The following NKAIN3 variants were observed in gnomAD, a reference collection of about 807,000 sequenced individuals.
The protein encoded by NKAIN3 is sodium/potassium transporting ATPase interacting 3, also known as sodium/potassium-transporting ATPase subunit beta-1-interacting protein 3.
Under a neutral mutation model 30.2 loss-of-function variants are expected in NKAIN3, and 25 were observed. The observed-to-expected ratio is 0.83, with a 90% CI of 0.60 to 1.16. NKAIN3 has a LOEUF of 1.16. Among genes scored for constraint, NKAIN3 ranks in the 50% most tolerant of loss-of-function variants. The probability of loss-of-function intolerance (pLI) is 0.00; values close to 1 mark genes in which losing one functional copy is unlikely to be tolerated. For synonymous variants in NKAIN3, 91 were observed against 89.6 expected (o/e 1.02, Z -0.09); for missense variants, 225 against 254.1 (o/e 0.89, Z 0.78).
At chr8:62,306,006 T>TTCA (rs1814225399) in intron 1 of NKAIN3, among the ~76,000 whole-genome samples, 1 of 150,462 alleles carries the variant, frequency 6.6e-6, no homozygotes, top group Non-Finnish European at 1.5e-5. Context: ...CTGCTTTCAG[T>TTCA]GTATTCCATT....
intron 6 of NKAIN3, 128 bp downstream of exon 6, chr8:62,954,100 C>T (rs1335593425): frequency 1.9e-5 from 3 of 159,178 alleles, no homozygotes; most frequent in South Asian, 2.0e-4. Context: ...ATTTAAAACA[C>T]ACCTTTCACA....
intron 1 of NKAIN3, among the ~76,000 whole-genome samples, chr8:62,374,404 G>A (rs1046659785): frequency 2.0e-5 from 3 of 152,170 alleles, no homozygotes; most frequent in Admixed American, 6.5e-5. Flanking sequence ...GGCAAATGAA[G>A]TTCAAATTAT....
intron 1 of NKAIN3, among the ~76,000 whole-genome samples, chr8:62,266,008 C>T (rs985211179): frequency 6.6e-6 from 1 of 152,124 alleles, no homozygotes; most frequent in Non-Finnish European, 1.5e-5. Context: ...TTCTCCTTTG[C>T]TTTAAAGGGA....
At position 62,626,413 on chromosome 8, in the gene NKAIN3, C is replaced by A. The variant is rs1019782778; in HGVS notation, c.273+36619C>A. Among the ~76,000 whole-genome samples, 58 of 152,174 alleles carry A rather than the reference C, an allele frequency of 3.8e-4. 1 individual carries two copies. Among genetic ancestry groups the A allele is most frequent in the African/African-American group, 1.3e-3 (55 of 41,546 alleles). The stretch of plus-strand genomic sequence containing the variant: ...CTTACCAAGCAAACACATTGTGTGG[C>A]CCGCTGGGCACAGATACTAAAAAAG... On this transcript the variant is annotated intron_variant, in intron 3 of 6. Transcript: ENST00000623646.
chr8:62,910,032 C>T (rs1397246465), intron 4 of NKAIN3, among the ~76,000 whole-genome samples: 1 of 152,088 alleles, frequency 6.6e-6, no homozygotes, highest in Non-Finnish European at 1.5e-5. Context: ...TGCATTCCTA[C>T]ATTTATCAGT....
rs2130916235 is a variant in NKAIN3 at position 62,973,511 on chromosome 8, G to A, written c.*8104G>A. Reference sequence around the variant, plus strand: ...TATCCTTAACCCACTTTTTGATGGAGTTGTTTTTTTTCTTGTAAATTTGTT... The same window carrying A: ...TATCCTTAACCCACTTTTTGATGGAATTGTTTTTTTTCTTGTAAATTTGTT... On this transcript the variant is annotated 3_prime_UTR_variant, in exon 7 of 7. Coordinates refer to ENST00000623646, the MANE Select transcript of NKAIN3 (RefSeq NM_001304533.3). 2.0e-5 allele frequency among the ~76,000 whole-genome samples: 3 copies of A among 152,048 alleles called. No homozygotes were observed. Among genetic ancestry groups the A allele is most frequent in the Middle Eastern group, 3.4e-3 (1 of 294 alleles).
At chr8:62,418,220 C>A (rs1054603452) in intron 1 of NKAIN3, among the ~76,000 whole-genome samples, 6 of 151,982 alleles carry the variant, frequency 3.9e-5, no homozygotes, top group Admixed American at 1.3e-4. Context: ...TGAAGATGGT[C>A]AAAAATCATA....
intron 3 of NKAIN3, among the ~76,000 whole-genome samples, chr8:62,650,770 A>G (rs918513822): frequency 1.3e-5 from 2 of 152,118 alleles, no homozygotes; most frequent in Non-Finnish European, 2.9e-5. Flanking sequence ...TTGCTATGCT[A>G]TTCTCATTAT....
At chr8:62,925,626 C>T (rs1232816542) in intron 5 of NKAIN3, among the ~76,000 whole-genome samples, 2 of 152,120 alleles carry the variant, frequency 1.3e-5, no homozygotes, top group African/African-American at 4.8e-5. Context: ...GATGGTGGTC[C>T]TAACTGCCAA....
intron 4 of NKAIN3, among the ~76,000 whole-genome samples, chr8:62,867,023 C>G (rs1399373755): frequency 1.4e-5 from 2 of 147,736 alleles, no homozygotes; most frequent in African/African-American, 2.5e-5. Flanking sequence ...CCACTGCACT[C>G]CAGACTGGGC....
intron 5 of NKAIN3, among the ~76,000 whole-genome samples, chr8:62,945,995 A>G (rs543582954): frequency 1.1e-4 from 17 of 152,334 alleles, no homozygotes; most frequent in South Asian, 6.2e-4. Flanking sequence ...GATATGGACA[A>G]TGCAGGCTCT....
intron 1 of NKAIN3, among the ~76,000 whole-genome samples, chr8:62,343,215 C>G (rs1300636189): frequency 6.6e-6 from 1 of 151,932 alleles, no homozygotes; most frequent in Non-Finnish European, 1.5e-5. Flanking sequence ...GGCAATTTAC[C>G]TAAACTGGCT....
At chr8:62,598,433 G>A (rs1309807874) in intron 3 of NKAIN3, among the ~76,000 whole-genome samples, 1 of 151,980 alleles carries the variant, frequency 6.6e-6, no homozygotes, top group African/African-American at 2.4e-5. Flanking sequence ...GGAGGGTGGG[G>A]ACATAACTCC....
At chr8:62,620,693 A>T (rs771071882) in intron 3 of NKAIN3, among the ~76,000 whole-genome samples, 1 of 152,186 alleles carries the variant, frequency 6.6e-6, no homozygotes, top group South Asian at 2.1e-4. Flanking sequence ...ATAAAAATAC[A>T]GTTTTTTATT....
chr8:62,681,609 C>T (rs1362849055), intron 3 of NKAIN3, among the ~76,000 whole-genome samples: 2 of 152,056 alleles, frequency 1.3e-5, no homozygotes, highest in Non-Finnish European at 2.9e-5. Context: ...GGGAGATGGA[C>T]TTTCAAAACA....
chr8:62,922,050 G>C (rs1822296360), intron 5 of NKAIN3, among the ~76,000 whole-genome samples: 1 of 152,132 alleles, frequency 6.6e-6, no homozygotes, highest in Non-Finnish European at 1.5e-5. Flanking sequence ...TGAATGATGA[G>C]AGACAAAAGT....
chr8:62,686,584 T>A (rs953446445), intron 3 of NKAIN3, among the ~76,000 whole-genome samples: 1 of 152,196 alleles, frequency 6.6e-6, no homozygotes, highest in African/African-American at 2.4e-5. Context: ...AGGGTTTTTT[T>A]TAAACATTTA....
At chr8:62,782,322 G>C (rs536257838) in intron 4 of NKAIN3, among the ~76,000 whole-genome samples, 6 of 152,012 alleles carry the variant, frequency 3.9e-5, no homozygotes, top group Admixed American at 6.6e-5. Context: ...CTGTTGGAGG[G>C]AATGTAAATA....
chr8:62,630,894 C>T (rs1271517622), intron 3 of NKAIN3, among the ~76,000 whole-genome samples: 1 of 152,104 alleles, frequency 6.6e-6, no homozygotes, highest in Non-Finnish European at 1.5e-5. Flanking sequence ...ATAAACAAGC[C>T]TCAAGCTTCT....
Sources: gnomAD v4.1 joint callset for allele counts (sites outside exome capture counted in the v4.1 genomes callset) on GRCh38, gnomAD v4.1.1 for gene constraint, MANE v1.5 for transcripts, NCBI Gene and HGNC (gene_info 2026-07-23, HGNC 2026-07-21) for gene names.